The following WDR4 variants were observed in gnomAD, a reference collection of about 807,000 sequenced individuals.
The protein encoded by WDR4 is WDR4 tRNA N7-guanosine methyltransferase non-catalytic subunit, also known as tRNA (guanine-N(7)-)-methyltransferase non-catalytic subunit WDR4.
In WDR4, 47 loss-of-function variants were observed where a neutral mutation model predicts 48.6. The ratio of observed to expected loss-of-function variants is 0.97; its 90% confidence interval spans 0.77 to 1.23. The LOEUF is 1.23. Among genes scored for constraint, WDR4 ranks in the 50% most tolerant of loss-of-function variants. The pLI, the probability that WDR4 is intolerant of heterozygous loss-of-function variation, is 0.00. For missense variants in WDR4, 606 were observed against 551.6 expected, an observed-to-expected ratio of 1.10 and a Z score of -0.99; for synonymous variants, 268 against 230.0, an observed-to-expected ratio of 1.17 and a Z score of -1.49.
intron 5 of WDR4, 38 bp from the exon 6 acceptor site, chr21:42,859,760 C>T (rs1429031601): frequency 1.9e-6 from 3 of 1,551,046 alleles, no homozygotes; most frequent in East Asian, 2.4e-5. Flanking sequence ...TCAGCGAGCC[C>T]AGCGCCCGCA....
At chr21:42,844,687 G>C (rs1048436662), downstream of WDR4, among the ~76,000 whole-genome samples, 1 of 152,234 alleles carries the variant, frequency 6.6e-6, no homozygotes, top group Non-Finnish European at 1.5e-5. Flanking sequence ...GGAAGCCCGG[G>C]GCAGGAGTGC....
At chr21:42,890,467 C>G in the WDR4 span, among the ~76,000 whole-genome samples, 3 of 151,858 alleles carry the variant, frequency 2.0e-5, no homozygotes, top group African/African-American at 7.3e-5. Context: ...ACCCAGGAGG[C>G]GGAGGTTTCA....
chr21:42,888,555 G>A, the WDR4 span, among the ~76,000 whole-genome samples: 2 of 151,612 alleles, frequency 1.3e-5, no homozygotes, highest in Non-Finnish European at 2.9e-5. Flanking sequence ...GTGAGACCCT[G>A]TCTCCAATAA....
rs889896909 is a variant in WDR4, at chr21:42,867,730, T to C, written c.297-4134A>G. Among the ~76,000 whole-genome samples the C allele has an allele frequency of 2.0e-5, 3 of 149,318 alleles. No individual in the cohort carries two copies. In the East Asian group the frequency reaches 6.2e-4, roughly 31 times the overall value. On this transcript the variant is annotated intron_variant, in intron 3 of 10. Transcript: ENST00000398208. The stretch of plus-strand genomic sequence containing the variant: ...GCACTGCCCACTCTTGGACTTGTGC[T>C]TTTTTTTTTCTTTGTAGATACGAGA...
intron 3 of WDR4, among the ~76,000 whole-genome samples, chr21:42,870,546 G>C (rs920541689): frequency 6.7e-6 from 1 of 149,444 alleles, no homozygotes; most frequent in Non-Finnish European, 1.5e-5. Context: ...CTAGCACTTT[G>C]GGGGACTGAG....
chr21:42,854,734 C>A (rs1776225704), intron 7 of WDR4, 108 bp from the exon 8 acceptor site: 1 of 1,010,408 alleles, frequency 9.9e-7, no homozygotes, highest in African/African-American at 1.6e-5. Flanking sequence ...CCCCACATAT[C>A]AAGGAAGAGG....
At chr21:42,845,843 C>T (rs561842266), downstream of WDR4, among the ~76,000 whole-genome samples, 17 of 152,170 alleles carry the variant, frequency 1.1e-4, no homozygotes, top group Admixed American at 2.6e-4. Context: ...TTCCAGAAGA[C>T]GGGTGCTGGC....
chr21:42,872,542 C>T (rs926502895), intron 3 of WDR4, among the ~76,000 whole-genome samples: 20 of 147,634 alleles, frequency 1.4e-4, no homozygotes, highest in African/African-American at 4.3e-4. Context: ...AACTGGGAGG[C>T]GGAGGCTGTA....
the WDR4 span, among the ~76,000 whole-genome samples, chr21:42,885,838 G>A: frequency 6.6e-6 from 1 of 152,102 alleles, no homozygotes; most frequent in Non-Finnish European, 1.5e-5. Flanking sequence ...TGGGACTACA[G>A]GTGTACATGA....
intron 5 of WDR4, among the ~76,000 whole-genome samples, chr21:42,860,036 C>T (rs898864529): frequency 6.6e-6 from 1 of 152,130 alleles, no homozygotes; most frequent in Non-Finnish European, 1.5e-5. Flanking sequence ...CCCTCTGCAG[C>T]CCCCTCTGCA....
At chr21:42,884,417 G>A (rs577821955), upstream of WDR4, among the ~76,000 whole-genome samples, 2 of 152,000 alleles carry the variant, frequency 1.3e-5, no homozygotes, top group Non-Finnish European at 2.9e-5. Context: ...GGGAGGCCGA[G>A]GTGGGTGGAT....
chr21:42,859,395 G>A (rs561977191), intron 6 of WDR4, among the ~76,000 whole-genome samples: 5 of 152,316 alleles, frequency 3.3e-5, no homozygotes, highest in Admixed American at 3.3e-4. Flanking sequence ...CGTAGATGCA[G>A]CAGCCGCCCT....
chr21:42,850,008 T>C lies in WDR4; in HGVS notation c.*41A>G, dbSNP rs1007760548. 2 of 1,601,564 alleles carry C rather than the reference T, an allele frequency of 1.2e-6. No individual in the cohort carries two copies. Among genetic ancestry groups the C allele is most frequent in the African/African-American group, 2.7e-5 (2 of 73,798 alleles). Reference sequence around the variant, plus strand: ...GATGCAGGGGAACAAGTTAAAAAGCTTTTCCTAATTTGAGGTGAGAGACAC... The same window carrying C: ...GATGCAGGGGAACAAGTTAAAAAGCCTTTCCTAATTTGAGGTGAGAGACAC... On this transcript the variant is annotated 3_prime_UTR_variant, in exon 11 of 11. Transcript: ENST00000398208.
In WDR4 at chr21:42,853,642, T is replaced by C; in HGVS notation, c.902A>G (p.Gln301Arg). ...GCAGTCCTGGAGCACCCACAGCCCC[T>C]GGGTCTCCTCGAAAGCCACGTCCCA... ...QVWDVAFEET[Q>R]GLWVLQDCQE... The change falls in exon 9 of 11, where the codon CAG becomes CGG. Residue 301 changes from glutamine (Q) to arginine (R), a missense_variant. Gln to Arg is a conservative substitution (Grantham distance 43). Transcript: ENST00000398208. 1 of 1,605,690 alleles carries C rather than the reference T, an allele frequency of 6.2e-7. No individual in the cohort carries two copies. Among genetic ancestry groups the C allele is most frequent in the South Asian group, 1.1e-5 (1 of 89,022 alleles).
downstream of WDR4, among the ~76,000 whole-genome samples, chr21:42,848,987 A>G (rs369423134): frequency 3.5e-4 from 45 of 126,832 alleles, no homozygotes; most frequent in East Asian, 1.1e-3. Context: ...ACGATCACGC[A>G]GCGTGCACCT....
upstream of WDR4, among the ~76,000 whole-genome samples, chr21:42,880,881 C>T (rs1216460968): frequency 6.6e-6 from 1 of 151,884 alleles, no homozygotes; most frequent in African/African-American, 2.4e-5. Context: ...TTATGGGCTT[C>T]TCAAGAATCT....
chr21:42,852,159 C>T (rs1237016114), intron 10 of WDR4, 96 bp downstream of exon 10: 1 of 1,312,656 alleles, frequency 7.6e-7, no homozygotes, highest in African/African-American at 1.5e-5. Context: ...TATCTGCACA[C>T]CAGGTACCCC....
downstream of WDR4, chr21:42,849,138 C>G (rs2057752238): frequency 6.8e-6 from 1 of 147,294 alleles, no homozygotes; most frequent in East Asian, 2.0e-4. Flanking sequence ...GCACCTCACA[C>G]AGCACACGAT....
intron 2 of WDR4, among the ~76,000 whole-genome samples, chr21:42,874,547 T>C (rs903190212): frequency 3.9e-5 from 6 of 152,312 alleles, no homozygotes; most frequent in East Asian, 1.9e-4. Context: ...GGGAGATATA[T>C]AGCTGAATTC....
Sources: gnomAD v4.1 joint callset for allele counts (sites outside exome capture counted in the v4.1 genomes callset) on GRCh38, gnomAD v4.1.1 for gene constraint, MANE v1.5 for transcripts, NCBI Gene and HGNC (gene_info 2026-07-23, HGNC 2026-07-21) for gene names.